ITGA11: variants seen among roughly 807,000 people sequenced by gnomAD.
The protein encoded by ITGA11 is integrin alpha-11.
ITGA11 carries 97 observed loss-of-function variants against 141.9 expected under a neutral mutation model. That is an observed-to-expected ratio of 0.68 (90% confidence interval 0.58 to 0.81). ITGA11 has a LOEUF of 0.81. Ranked by LOEUF, ITGA11 falls within the 30% of genes least tolerant of loss-of-function variation. The probability of loss-of-function intolerance (pLI) is 0.00; values close to 1 mark genes in which losing one functional copy is unlikely to be tolerated. For synonymous variants in ITGA11, 658 were observed against 624.6 expected (o/e 1.05, Z -0.80); for missense variants, 1,387 against 1,559.2 (o/e 0.89, Z 1.86).
At chr15:68,402,340 T>A (rs1261681677) in intron 2 of ITGA11, among the ~76,000 whole-genome samples, 2 of 151,548 alleles carry the variant, frequency 1.3e-5, no homozygotes, top group Non-Finnish European at 1.5e-5. Flanking sequence ...ATGGTACATT[T>A]AAAAAAAAAT....
At position 68,357,391 on chromosome 15, in the gene ITGA11, CTG is replaced by C. The variant is rs1229670647; in HGVS notation, c.601-94_601-93del. The stretch of plus-strand genomic sequence containing the variant: ...GAGTGAGGATCCCCGGGAGTTGTCT[CTG>C]TGTGATAATACAGGAGGGAGGAGGG... On this transcript the variant is annotated intron_variant, in intron 6 of 29. Transcript: ENST00000315757. The C allele has an allele frequency of 7.4e-6, 11 of 1,479,214 alleles. No individual in the cohort carries two copies. The African/African-American group carries it at 1.4e-4, about 19-fold the overall frequency. 91.6% of individuals were successfully genotyped at this position (1,479,214 alleles called of 1,614,324 possible). A position where few individuals can be genotyped will look rare whatever the true frequency, so the allele number is the denominator to read the frequency against.
At position 68,303,695 on chromosome 15, in the gene ITGA11, C is replaced by T; in HGVS notation, c.3495+77G>A. ...CCTGGAGAGGAGAACGTGGCAGCGG[C>T]CACGAAGTTCCAGGGGCTGGAGCCT... On this transcript the variant is annotated intron_variant, in intron 29 of 29. Coordinates refer to ENST00000315757, the MANE Select transcript of ITGA11 (RefSeq NM_001004439.2). The surrounding 1 kb of genome is among the most constrained non-coding windows in gnomAD (Gnocchi z 5.3). The T allele has an allele frequency of 1.0e-6, 1 of 996,690 alleles. No homozygotes were observed. Among genetic ancestry groups the T allele is most frequent in the Admixed American group, 2.1e-5 (1 of 47,694 alleles). The allele number at this position is 996,690 out of a possible 1,614,324, so 61.7% of individuals were successfully genotyped here. A position where few individuals can be genotyped will look rare whatever the true frequency, so the allele number is the denominator to read the frequency against.
intron 2 of ITGA11, among the ~76,000 whole-genome samples, chr15:68,397,516 T>A (rs1386429495): frequency 1.5e-5 from 1 of 67,188 alleles, no homozygotes; most frequent in Non-Finnish European, 2.3e-5. Context: ...TAAAATATAT[T>A]TAAAATATTA....
rs747770665 is a variant in ITGA11 at position 68,317,324 on chromosome 15, T to G, written c.2656A>C (p.Arg886=). ...TTGCAGACTTGCTTCTGGAGCCTCCTCTCCTCGTTCACACACTCAATGCTA... is the reference window on the plus strand; with the variant it reads ...TTGCAGACTTGCTTCTGGAGCCTCCGCTCCTCGTTCACACACTCAATGCTA... The part of the protein sequence containing the change: ...DGSIECVNEE[R]RLQKQVCNVS... Residue 886 remains arginine, a synonymous_variant, in exon 21 of 30, where the codon AGG becomes CGG. Coordinates refer to ENST00000315757, the MANE Select transcript of ITGA11 (RefSeq NM_001004439.2). 1.2e-6 allele frequency: 2 copies of G among 1,613,486 alleles called. No homozygotes were observed. The highest frequency in any genetic ancestry group is 2.7e-5 in the African/African-American group (2 of 74,852).
chr15:68,303,014 G>A lies in ITGA11; in HGVS notation c.*45C>T. ...CAGGCCTGGGTCTCAACACTACCTG[G>A]ACTGGTGTCCTGGCCCCCATCAACT... On this transcript the variant is annotated 3_prime_UTR_variant, in exon 30 of 30. Transcript: ENST00000315757. This position sits in a 1 kb window ranked among gnomAD's most constrained non-coding sequence, Gnocchi z 5.3. 2 of 1,470,926 alleles carry A rather than the reference G, an allele frequency of 1.4e-6. No individual in the cohort carries two copies. Among genetic ancestry groups the A allele is most frequent in the South Asian group, 2.4e-5 (2 of 81,696 alleles). 91.1% of individuals were successfully genotyped at this position (1,470,926 alleles called of 1,614,324 possible). A position where few individuals can be genotyped will look rare whatever the true frequency, so the allele number is the denominator to read the frequency against.
chr15:68,427,570 T>TGAATTCCTCCA (rs1897173725), intron 1 of ITGA11, among the ~76,000 whole-genome samples: 1 of 152,160 alleles, frequency 6.6e-6, no homozygotes, highest in Non-Finnish European at 1.5e-5. Context: ...TTCCTCCAGG[T>TGAATTCCTCCA]GGGATTTCAC....
chr15:68,413,277 G>A (rs1032092534), intron 1 of ITGA11, among the ~76,000 whole-genome samples: 3 of 152,152 alleles, frequency 2.0e-5, no homozygotes, highest in Non-Finnish European at 4.4e-5. Context: ...CCAGAGCGGG[G>A]TAGAAATGTG....
intron 14 of ITGA11, 136 bp from the exon 15 acceptor site, chr15:68,331,247 A>G (rs1392061420): frequency 4.2e-6 from 3 of 722,784 alleles, no homozygotes; most frequent in Non-Finnish European, 6.8e-6. Context: ...ACCCAAAGCA[A>G]TCTCCTCTCT....
chr15:68,366,035 TA>T (rs1452398344), intron 3 of ITGA11, among the ~76,000 whole-genome samples: 2 of 152,096 alleles, frequency 1.3e-5, no homozygotes, highest in Non-Finnish European at 2.9e-5. Flanking sequence ...GACTGGAGGG[TA>T]GGGGCAGCTG....
At chr15:68,423,489 C>T (rs1346180318) in intron 1 of ITGA11, among the ~76,000 whole-genome samples, 3 of 152,290 alleles carry the variant, frequency 2.0e-5, no homozygotes, top group African/African-American at 7.2e-5. Flanking sequence ...ATTGGGGCTG[C>T]TGTTGGCGTG....
chr15:68,360,549 C>A (rs1895210159), intron 5 of ITGA11, among the ~76,000 whole-genome samples: 1 of 152,074 alleles, frequency 6.6e-6, no homozygotes, highest in Non-Finnish European at 1.5e-5. Flanking sequence ...CATGGGGTGC[C>A]CTGGAATCTG....
intron 1 of ITGA11, among the ~76,000 whole-genome samples, chr15:68,426,601 G>T (rs1041461525): frequency 6.6e-6 from 1 of 152,174 alleles, no homozygotes; most frequent in Non-Finnish European, 1.5e-5. Flanking sequence ...GTAGCTGTTT[G>T]CATACTGATC....
intron 2 of ITGA11, among the ~76,000 whole-genome samples, chr15:68,382,606 G>A (rs1294700814): frequency 6.6e-6 from 1 of 152,164 alleles, no homozygotes; most frequent in East Asian, 1.9e-4. Context: ...AGGCCAAGAT[G>A]AATAAAGGCA....
chr15:68,313,844 G>A lies in ITGA11; in HGVS notation c.2817C>T (p.Thr939=). The part of the protein sequence containing the change: ...AGSDSNERDS[T]KEDNVAPLRF... ...GTAAGGGGGCCACGTTGTCTTCCTTGGTGCTGTCCCGCTCATTACTGTCAC... is the reference window on the plus strand; with the variant it reads ...GTAAGGGGGCCACGTTGTCTTCCTTAGTGCTGTCCCGCTCATTACTGTCAC... The change falls in exon 23 of 30, where the codon ACC becomes ACT. Residue 939 remains threonine, a synonymous_variant. Coordinates refer to ENST00000315757, the MANE Select transcript of ITGA11 (RefSeq NM_001004439.2). 1 of 1,613,952 alleles carries A rather than the reference G, an allele frequency of 6.2e-7. No homozygotes were observed. Among genetic ancestry groups the A allele is most frequent in the South Asian group, 1.1e-5 (1 of 91,078 alleles).
At chr15:68,364,155 A>G (rs557985901) in intron 4 of ITGA11, among the ~76,000 whole-genome samples, 1 of 152,318 alleles carries the variant, frequency 6.6e-6, no homozygotes, top group East Asian at 1.9e-4. Flanking sequence ...AAAACAAAAC[A>G]GAAACCTCCT....
At chr15:68,336,090 A>G in intron 11 of ITGA11, 1 of 565,930 alleles carries the variant, frequency 1.8e-6, no homozygotes, top group Non-Finnish European at 3.2e-6. Context: ...CCCCTGCTGG[A>G]GAAAATAAAG....
At chr15:68,316,893 A>G (rs531730714) in intron 21 of ITGA11, among the ~76,000 whole-genome samples, 48 of 152,312 alleles carry the variant, frequency 3.2e-4, no homozygotes, top group African/African-American at 1.1e-3. Flanking sequence ...GTTGGGTGGT[A>G]GGTACTCACG....
At position 68,375,566 on chromosome 15, in the gene ITGA11, C is replaced by A. The variant is rs552653606; in HGVS notation, c.165-6282G>T. Among the ~76,000 whole-genome samples the A allele has an allele frequency of 3.9e-5, 6 of 152,308 alleles. No individual in the cohort carries two copies. In the South Asian group the frequency reaches 1.2e-3, roughly 32 times the overall value. On this transcript the variant is annotated intron_variant, in intron 2 of 29. Coordinates refer to ENST00000315757, the MANE Select transcript of ITGA11 (RefSeq NM_001004439.2). ...CCTGCCCAAGGGGAGAAGTTGGCAC[C>A]TGCAGGTCTTCCTGGACTGACTGCA... is the stretch of plus-strand genomic sequence containing the variant.
At position 68,311,094 on chromosome 15, in the gene ITGA11, A is replaced by G. The variant is rs1275706107; in HGVS notation, c.3088-14T>C. On this transcript the variant is annotated splice_polypyrimidine_tract_variant and intron_variant, in intron 25 of 29. Transcript: ENST00000315757. ...GGACGTGTTCGCCTACATAAAGGACATGGACACACACACACATACACAGCC... is the reference window on the plus strand; with the variant it reads ...GGACGTGTTCGCCTACATAAAGGACGTGGACACACACACACATACACAGCC... 1 of 1,587,140 alleles carries G rather than the reference A, an allele frequency of 6.3e-7. No homozygotes were observed. Among genetic ancestry groups the G allele is most frequent in the Non-Finnish European group, 8.6e-7 (1 of 1,160,630 alleles).
Sources: gnomAD v4.1 joint callset for allele counts (sites outside exome capture counted in the v4.1 genomes callset) on GRCh38, gnomAD v4.1.1 for gene constraint, Gnocchi (gnomAD v3.1) non-coding constraint, MANE v1.5 for transcripts, NCBI Gene and HGNC (gene_info 2026-07-23, HGNC 2026-07-21) for gene names.